The following HNRNPU variants were observed in gnomAD, a reference collection of about 807,000 sequenced individuals.
HNRNPU encodes HNRNPU antisense RNA 1.
In HNRNPU, 5 loss-of-function variants were observed where a neutral mutation model predicts 94.7. The ratio of observed to expected loss-of-function variants is 0.05; its 90% CI spans 0.03 to 0.11. HNRNPU has a LOEUF of 0.11. Ranked by LOEUF, HNRNPU falls within the 10% of genes least tolerant of loss-of-function variation. The probability of loss-of-function intolerance (pLI) is 1.00; values close to 1 mark genes in which losing one functional copy is unlikely to be tolerated. For synonymous variants in HNRNPU, 434 were observed against 381.6 expected (o/e 1.14, Z -1.60); for missense variants, 710 against 1,049.2 (o/e 0.68, Z 4.47).
chr1:244,851,467 A>G lies in HNRNPU; in HGVS notation c.*2983T>C, dbSNP rs1395336629. 1 of 152,176 alleles carries G rather than the reference A, an allele frequency of 6.6e-6. No homozygotes were observed. Among genetic ancestry groups the G allele is most frequent in the Non-Finnish European group, 1.5e-5 (1 of 68,024 alleles). 9.4% of individuals were successfully genotyped at this position (152,176 alleles called of 1,614,324 possible). On this transcript the variant is annotated 3_prime_UTR_variant, in exon 14 of 14. Transcript: ENST00000640218. ...ATGAGACATTTTAAATACAGAATAC[A>G]CTCTGTTCATGAATATAAAATCCCC...
At chr1:244,854,783 C>T (rs561125535) in intron 13 of HNRNPU, 190 bp downstream of exon 13, 7 of 511,198 alleles carry the variant, frequency 1.4e-5, no homozygotes, top group African/African-American at 1.4e-4. Context: ...AAAAATTTAA[C>T]TTATAGCAAT....
chr1:244,858,697 C>CA, intron 6 of HNRNPU, 32 bp downstream of exon 6: 1 of 1,191,936 alleles, frequency 8.4e-7, no homozygotes, highest in Non-Finnish European at 1.2e-6. Context: ...CTAACTTTGC[C>CA]ATTTATACAT....
rs1265931188 is a variant in HNRNPU, at chr1:244,858,178, G to A, written c.1327C>T (p.Pro443Ser). The A allele has an allele frequency of 6.2e-7, 1 of 1,613,984 alleles. No homozygotes were observed. The highest frequency in any genetic ancestry group is 8.5e-7 in the Non-Finnish European group (1 of 1,180,000). ...KISKEVLAGR[P>S]LFPHVLCHNC... ...TGGCAGAGAACATGCGGGAACAGTG[G>A]CCGTCCAGCAAGAACTTCCTTACTG... Residue 443 changes from proline to serine, a missense_variant, in exon 7 of 14, where the codon CCA (proline) becomes TCA (serine). Around this residue, in one of 8 missense-constraint regions of HNRNPU, gnomAD observed 150 missense variants for 187.9 expected, o/e 0.80. Transcript: ENST00000640218.
At chr1:244,862,923 C>T (rs1224726822) in intron 1 of HNRNPU, 193 bp from the exon 2 acceptor site, 7 of 603,168 alleles carry the variant, frequency 1.2e-5, no homozygotes, top group Admixed American at 3.0e-5. Flanking sequence ...AAAGACATTA[C>T]TAATTTTGCC....
intron 10 of HNRNPU, 68 bp downstream of exon 10, chr1:244,856,389 A>C: frequency 2.0e-6 from 3 of 1,472,150 alleles, no homozygotes; most frequent in Non-Finnish European, 2.8e-6. Flanking sequence ...TTACACAAGC[A>C]GAATATGTAG....
Position 244,853,837 on chromosome 1 carries a change from A to G in HNRNPU, c.*613T>C, listed in dbSNP as rs558268305. ...ACATACACTCCATCTTCTCTATCTT[A>G]GTTCCAAGTTTTAGTTTTCAATCCC... On this transcript the variant is annotated 3_prime_UTR_variant, in exon 14 of 14. Transcript: ENST00000640218. The G allele has an allele frequency of 6.5e-6, 1 of 152,878 alleles. No individual in the cohort carries two copies. Among genetic ancestry groups the G allele is most frequent in the South Asian group, 2.1e-4 (1 of 4,832 alleles). 9.5% of individuals were successfully genotyped at this position (152,878 alleles called of 1,614,324 possible). A position where few individuals can be genotyped will look rare whatever the true frequency, so the allele number is the denominator to read the frequency against.
chr1:244,858,068 G>T lies in HNRNPU; in HGVS notation c.1437C>A (p.Val479=). 4 of 1,613,924 alleles carry T rather than the reference G, an allele frequency of 2.5e-6. No individual in the cohort carries two copies. Among genetic ancestry groups the T allele is most frequent in the East Asian group, 2.2e-5 (1 of 44,856 alleles). The change falls in exon 7 of 14, where the codon GTC becomes GTA. Residue 479 remains valine (V), a synonymous_variant. Coordinates refer to ENST00000640218, the MANE Select transcript of HNRNPU (RefSeq NM_031844.3). ...GTCCTCTAACTCGATCCTCTAAGGG[G>T]ACGTTCTGGATGAAAGTATACTCTT... ...IPEEYTFIQN[V]PLEDRVRGPK...
At chr1:244,857,917 T>G in intron 7 of HNRNPU, 94 bp downstream of exon 7, 2 of 1,363,534 alleles carry the variant, frequency 1.5e-6, no homozygotes, top group Non-Finnish European at 2.0e-6. Flanking sequence ...ACAAAGTAAA[T>G]GAAACAGACT....
intron 4 of HNRNPU, 51 bp downstream of exon 4, chr1:244,860,284 G>A: frequency 3.2e-6 from 5 of 1,539,882 alleles, no homozygotes; most frequent in Non-Finnish European, 4.4e-6. Flanking sequence ...CTAGGGAACA[G>A]AGTGAGACTG....
chr1:244,858,613 G>T, intron 6 of HNRNPU, 116 bp downstream of exon 6: 1 of 668,684 alleles, frequency 1.5e-6, no homozygotes, highest in South Asian at 1.7e-5. Flanking sequence ...ACTAATCCAG[G>T]GACTGGTGTA....
intron 1 of HNRNPU, 147 bp downstream of exon 1, chr1:244,863,468 CTG>C: frequency 9.5e-7 from 1 of 1,047,694 alleles, no homozygotes; most frequent in Non-Finnish European, 1.2e-6. Context: ...CTCGGCTAAT[CTG>C]GGATTCCCCG....
chr1:244,855,151 A>C (rs992288946), intron 12 of HNRNPU, 107 bp from the exon 13 acceptor site: 1 of 877,340 alleles, frequency 1.1e-6, no homozygotes, highest in African/African-American at 1.9e-5. Context: ...CCCTAATCTT[A>C]GGTAGCAAGC....
At chr1:244,855,138 A>G in intron 12 of HNRNPU, 94 bp from the exon 13 acceptor site, 3 of 982,892 alleles carry the variant, frequency 3.1e-6, no homozygotes, top group Non-Finnish European at 4.9e-6. Context: ...ACAGGTTGCT[A>G]GCCCCTAATC....
intron 11 of HNRNPU, 135 bp from the exon 12 acceptor site, chr1:244,855,743 A>G (rs1241314520): frequency 6.3e-6 from 8 of 1,270,220 alleles, no homozygotes; most frequent in Non-Finnish European, 8.8e-6. Flanking sequence ...AATTCTAACC[A>G]TTAACATAAC....
At position 244,863,075 on chromosome 1, in the gene HNRNPU, C is replaced by T. The variant is rs368709119; in HGVS notation, c.692-345G>A. The T allele has an allele frequency of 9.3e-3, 2,669 of 285,804 alleles. 24 individuals carry two copies. The highest frequency in any genetic ancestry group is 0.02 in the Middle Eastern group (17 of 868). 17.7% of individuals were successfully genotyped at this position (285,804 alleles called of 1,614,324 possible). The stretch of plus-strand genomic sequence containing the variant: ...CTCCCCTCCCCCGCGGGCCCGCGCT[C>T]CCCGCGGCCGCATTGTACTGATCTT... On this transcript the variant is annotated intron_variant, in intron 1 of 13. Coordinates refer to ENST00000640218, the MANE Select transcript of HNRNPU (RefSeq NM_031844.3).
rs749506211 is a variant in HNRNPU at position 244,855,446 on chromosome 1, G to A, written c.2330C>T (p.Pro777Leu). The A allele has an allele frequency of 1.1e-5, 18 of 1,613,522 alleles. No homozygotes were observed. Among genetic ancestry groups the A allele is most frequent in the Non-Finnish European group, 1.4e-5 (17 of 1,179,864 alleles). Residue 777 changes from proline to leucine, a missense_variant, in exon 12 of 14, where the codon CCC (proline) becomes CTC (leucine). Transcript: ENST00000640218. Reference sequence around the variant, plus strand: ...TACCTGGTTGTAGTTCCCTCTGTTGGGCATTCCACCTCTGTTGTAGTTCCC... The same window carrying A: ...TACCTGGTTGTAGTTCCCTCTGTTGAGCATTCCACCTCTGTTGTAGTTCCC... ...NRGNYNRGGM[P>L]NRGNYNQNFR... is the part of the protein sequence containing the mutation.
chr1:244,859,438 A>G (rs556045088), intron 4 of HNRNPU, 64 bp from the exon 5 acceptor site: 405 of 800,308 alleles, frequency 5.1e-4, no homozygotes, highest in African/African-American at 4.7e-3. Context: ...TAACTCTCGC[A>G]TATTTCATTG....
At chr1:244,857,036 C>CG (rs1366690941) in intron 8 of HNRNPU, 180 bp from the exon 9 acceptor site, 5 of 499,250 alleles carry the variant, frequency 1.0e-5, no homozygotes, top group Non-Finnish European at 1.7e-5. Flanking sequence ...CTTACACTTA[C>CG]TCAATTCTTT....
At chr1:244,857,228 G>A (rs1204545134) in intron 8 of HNRNPU, 3 of 224,158 alleles carry the variant, frequency 1.3e-5, no homozygotes, top group Admixed American at 5.5e-5. Context: ...AATACCTCCC[G>A]GTCTATAATT....
Sources: allele counts gnomAD v4.1 joint callset, GRCh38; gene constraint gnomAD v4.1.1; regional missense constraint gnomAD v4.1.1; transcripts MANE v1.5; gene names NCBI Gene and HGNC (gene_info 2026-07-23, HGNC 2026-07-21).